Variants in TRPV6 observed in about 807,000 individuals in gnomAD.
The protein encoded by TRPV6 is transient receptor potential cation channel subfamily V member 6.
A neutral mutation model predicts 79.0 loss-of-function variants in TRPV6; 39 were observed. The ratio of observed to expected loss-of-function variants is 0.49; its 90% CI spans 0.38 to 0.64. The LOEUF (loss-of-function observed/expected upper bound fraction) is 0.64. Ranked by LOEUF, TRPV6 falls within the 30% of genes least tolerant of loss-of-function variation. TRPV6 has a pLI of 0.00. For missense variants in TRPV6, 813 were observed against 1,011.1 expected (o/e 0.80, Z 2.66); for synonymous variants, 373 against 391.9 (o/e 0.95, Z 0.57).
Position 142,873,319 on chromosome 7 carries a change from G to A in TRPV6, c.1908+129C>T. ...ATCAGTGCTTCTGTACATTTTGCAT[G>A]ATTTTGCTAGCTTTGCCACAACTGT... On this transcript the variant is annotated intron_variant, in intron 13 of 14. Coordinates refer to ENST00000359396, the MANE Select transcript of TRPV6 (RefSeq NM_018646.6). This position sits in a 1 kb window ranked among gnomAD's most constrained non-coding sequence, Gnocchi z 4.8. 2 of 1,332,954 alleles carry A rather than the reference G, an allele frequency of 1.5e-6. No homozygotes were observed. Among genetic ancestry groups the A allele is most frequent in the South Asian group, 2.7e-5 (2 of 74,604 alleles). The allele number at this position is 1,332,954 out of a possible 1,614,324, so 82.6% of individuals were successfully genotyped here.
chr7:142,874,041 C>T (rs966844793), intron 12 of TRPV6, 35 bp downstream of exon 12: 2 of 1,606,956 alleles, frequency 1.2e-6, no homozygotes, highest in Admixed American at 1.7e-5. Context: ...TCATCTCTTC[C>T]CTGCCATGGC....
At position 142,876,770 on chromosome 7, in the gene TRPV6, A is replaced by G. The variant is rs758477043; in HGVS notation, c.675T>C (p.His225=). 6.2e-7 allele frequency: 1 copy of G among 1,613,908 alleles called. No homozygotes were observed. Among genetic ancestry groups the G allele is most frequent in the African/African-American group, 1.3e-5 (1 of 74,854 alleles). The change falls in exon 5 of 15, where the codon CAT becomes CAC. Residue 225 remains histidine (H), a synonymous_variant. Transcript: ENST00000359396. ...AGTCCTGGGCCCGGATGTCAGCTCC[A>G]TGCTCAATGAGCAGCCGCACGATCT...
Position 142,877,131 on chromosome 7 carries a change from C to A in TRPV6, c.607+11G>T. The A allele has an allele frequency of 6.2e-7, 1 of 1,613,266 alleles. No individual in the cohort carries two copies. The highest frequency in any genetic ancestry group is 8.5e-7 in the Non-Finnish European group (1 of 1,179,376). ...CAACTGCCCGTCCTCCAAGCCCAGCCCTGCTCTCACCAAAGTAGATGAGGT... is the reference window on the plus strand; with the variant it reads ...CAACTGCCCGTCCTCCAAGCCCAGCACTGCTCTCACCAAAGTAGATGAGGT... On this transcript the variant is annotated intron_variant, in intron 4 of 14. Coordinates refer to ENST00000359396, the MANE Select transcript of TRPV6 (RefSeq NM_018646.6).
chr7:142,876,932 C>G, intron 4 of TRPV6, 95 bp from the exon 5 acceptor site: 2 of 1,531,616 alleles, frequency 1.3e-6, no homozygotes, highest in Non-Finnish European at 1.8e-6. Context: ...TCCCCCACAT[C>G]TCAGCTCAGG....
At chr7:142,880,327 C>G (rs767449444) in intron 1 of TRPV6, 2 of 152,182 alleles carry the variant, frequency 1.3e-5, no homozygotes, top group Non-Finnish European at 2.9e-5. Flanking sequence ...GTTCTTCACT[C>G]TCTCCTGTGG....
chr7:142,876,997 C>T, intron 4 of TRPV6, 145 bp downstream of exon 4: 1 of 1,441,170 alleles, frequency 6.9e-7, no homozygotes, highest in South Asian at 1.4e-5. Context: ...GTAAATTGGC[C>T]TCTAGTCTAA....
Position 142,871,363 on chromosome 7 carries a change from C to G in TRPV6, c.*344G>C, listed in dbSNP as rs1010513296. On this transcript the variant is annotated 3_prime_UTR_variant, in exon 15 of 15. Transcript: ENST00000359396. ...GGTGCCCTGGGAAGGGCTCTCTCCC[C>G]ACTTATGACCCTGGGGTGGAGACCG... 3.1e-5 allele frequency: 14 copies of G among 448,514 alleles called. No homozygotes were observed. Among genetic ancestry groups the G allele is most frequent in the Admixed American group, 1.1e-4 (3 of 26,362 alleles). The allele number at this position is 448,514 out of a possible 1,614,324, so 27.8% of individuals were successfully genotyped here.
In TRPV6 at chr7:142,877,923, T is replaced by G. The variant is rs753312284; in HGVS notation, c.346+6A>C. On this transcript the variant is annotated splice_donor_region_variant and intron_variant, in intron 2 of 14. Transcript: ENST00000359396. Reference sequence around the variant, plus strand: ...TAGGAGATCATGCTGCATTTGTGCTTCTTACCTCTCTGGTGCACCTTGCAA... The same window carrying G: ...TAGGAGATCATGCTGCATTTGTGCTGCTTACCTCTCTGGTGCACCTTGCAA... 6.2e-7 allele frequency: 1 copy of G among 1,614,168 alleles called. No homozygotes were observed. The highest frequency in any genetic ancestry group is 8.5e-7 in the Non-Finnish European group (1 of 1,180,000).
At chr7:142,874,023 A>C (rs1386593788) in intron 12 of TRPV6, 53 bp downstream of exon 12, 1 of 1,588,238 alleles carries the variant, frequency 6.3e-7, no homozygotes, top group Non-Finnish European at 8.6e-7. Flanking sequence ...AGTGCCCCCT[A>C]GACTTCCTCA....
At position 142,876,758 on chromosome 7, in the gene TRPV6, G is replaced by A. The variant is rs1795082081; in HGVS notation, c.687C>T (p.Ile229=). ...TCTTACCCAGGGAGTCCTGGGCCCG[G>A]ATGTCAGCTCCATGCTCAATGAGCA... The change falls in exon 5 of 15, where the codon ATC becomes ATT. Residue 229 remains isoleucine, a synonymous_variant. Coordinates refer to ENST00000359396, the MANE Select transcript of TRPV6 (RefSeq NM_018646.6). 1 of 1,614,060 alleles carries A rather than the reference G, an allele frequency of 6.2e-7. No individual in the cohort carries two copies. The highest frequency in any genetic ancestry group is 8.5e-7 in the Non-Finnish European group (1 of 1,180,006).
At position 142,885,399 on chromosome 7, in the gene TRPV6, G is replaced by C; in HGVS notation, c.238C>G (p.Gln80Glu). 6.2e-7 allele frequency: 1 copy of C among 1,612,800 alleles called. No homozygotes were observed. The highest frequency in any genetic ancestry group is 2.2e-5 in the East Asian group (1 of 44,834). The change falls in exon 1 of 15, where the codon CAG (glutamine) becomes GAG (glutamate). Residue 80 changes from glutamine (Q) to glutamate (E), a missense_variant. Physicochemically the swap from Gln to Glu is conservative, Grantham distance 29. This residue lies in a region of TRPV6 where 555 missense variants were observed against 631.0 expected (regional missense o/e 0.88). Transcript: ENST00000359396. ...CCAAGGGGGCCTTACCTCTTCTGCT[G>C]CAGCAGGTTCTGCTCATCTCGGCTC... is the stretch of plus-strand genomic sequence containing the variant.
At position 142,875,169 on chromosome 7, in the gene TRPV6, T is replaced by A. The variant is rs761366234; in HGVS notation, c.1243-5A>T. The A allele has an allele frequency of 6.2e-6, 10 of 1,613,768 alleles. No homozygotes were observed. The highest frequency in any genetic ancestry group is 8.5e-6 in the Non-Finnish European group (10 of 1,179,962). On this transcript the variant is annotated splice_polypyrimidine_tract_variant and splice_region_variant and intron_variant, in intron 8 of 14. Coordinates refer to ENST00000359396, the MANE Select transcript of TRPV6 (RefSeq NM_018646.6). ...CTTAGGGGTCATGTAGGCTTCCTAA[T>A]GGGGGAGAAGAACAGTCAAAATGCT... is the stretch of plus-strand genomic sequence containing the variant.
intron 10 of TRPV6, 123 bp from the exon 11 acceptor site, chr7:142,874,779 A>T (rs936667020): frequency 6.5e-6 from 10 of 1,548,336 alleles, no homozygotes; most frequent in Non-Finnish European, 8.0e-6. Context: ...CTCAATGCCC[A>T]GGGTCATACA....
At chr7:142,874,237 G>A (rs1795005727) in intron 11 of TRPV6, 95 bp from the exon 12 acceptor site, 1 of 1,385,578 alleles carries the variant, frequency 7.2e-7, no homozygotes, top group Non-Finnish European at 1.0e-6. Flanking sequence ...AAGTCTCACA[G>A]CTCCACCCTC....
In TRPV6 at chr7:142,877,380, G is replaced by A. The variant is rs1426180119; in HGVS notation, c.470-101C>T. Reference sequence around the variant, plus strand: ...TCTCTTTCCCTCAGGGGTAGCCTGGGATGGAGAACAGGGAGCTCTCGGGTG... The same window carrying A: ...TCTCTTTCCCTCAGGGGTAGCCTGGAATGGAGAACAGGGAGCTCTCGGGTG... On this transcript the variant is annotated intron_variant, in intron 3 of 14. Transcript: ENST00000359396. 4 of 1,550,148 alleles carry A rather than the reference G, an allele frequency of 2.6e-6. No homozygotes were observed. In the African/African-American group the frequency reaches 5.4e-5, roughly 21 times the overall value.
At position 142,885,383 on chromosome 7, in the gene TRPV6, C is replaced by T. The variant is rs768211388; in HGVS notation, c.248+6G>A. The T allele has an allele frequency of 5.0e-6, 8 of 1,609,888 alleles. No individual in the cohort carries two copies. In the African/African-American group the frequency reaches 5.3e-5, roughly 11 times the overall value. On this transcript the variant is annotated splice_donor_region_variant and intron_variant, in intron 1 of 14. Transcript: ENST00000359396. ...TGGGGAAGGGAGCAGACCAAGGGGG[C>T]CTTACCTCTTCTGCTGCAGCAGGTT...
At chr7:142,872,053 T>C in intron 14 of TRPV6, 64 bp from the exon 15 acceptor site, 1 of 1,521,988 alleles carries the variant, frequency 6.6e-7, no homozygotes, top group Non-Finnish European at 8.8e-7. Flanking sequence ...AGAAGGATGC[T>C]TGTCTGTTAT....
At chr7:142,880,090 A>C (rs1314676393) in intron 1 of TRPV6, 1 of 152,192 alleles carries the variant, frequency 6.6e-6, no homozygotes, top group Non-Finnish European at 1.5e-5. Flanking sequence ...GTTTGAATTA[A>C]CTGTTATTAT....
chr7:142,872,603 T>C, intron 13 of TRPV6, 125 bp from the exon 14 acceptor site: 2 of 967,786 alleles, frequency 2.1e-6, no homozygotes, highest in Admixed American at 2.1e-5. Context: ...CCAACAATTC[T>C]TTACCCAATG....
Sources: gnomAD v4.1 joint callset for allele counts on GRCh38, gnomAD v4.1.1 for gene constraint, gnomAD v4.1.1 regional missense constraint, Gnocchi (gnomAD v3.1) non-coding constraint, MANE v1.5 for transcripts, NCBI Gene and HGNC (gene_info 2026-07-23, HGNC 2026-07-21) for gene names.